The following FUBP3 variants were observed in gnomAD, a reference collection of about 807,000 sequenced individuals.
The protein encoded by FUBP3 is far upstream element binding protein 3.
Under a neutral mutation model 85.6 loss-of-function variants are expected in FUBP3, and 28 were observed. The ratio of observed to expected loss-of-function variants is 0.33; its 90% CI spans 0.24 to 0.45. FUBP3 has a LOEUF of 0.45. FUBP3 is among the 20% of genes least tolerant of loss of function. FUBP3 has a pLI of 1.00. For synonymous variants in FUBP3, 271 were observed against 271.4 expected (o/e 1.00, Z 0.01); for missense variants, 583 against 755.1 (o/e 0.77, Z 2.67).
At position 130,635,138 on chromosome 9, in the gene FUBP3, G is replaced by A. The variant is rs1270533489; in HGVS notation, c.1582+400G>A. On this transcript the variant is annotated intron_variant, in intron 17 of 18. Transcript: ENST00000319725. This position sits in a 1 kb window ranked among gnomAD's most constrained non-coding sequence, Gnocchi z 4.3. ...TCTTGTTCTCTGTCTTGGTGCTTCA[G>A]GGCAGATGAGGAGAGGTGGTGAGAT... Among the ~76,000 whole-genome samples the A allele has an allele frequency of 1.3e-5, 2 of 152,168 alleles. No individual in the cohort carries two copies. Among genetic ancestry groups the A allele is most frequent in the Non-Finnish European group, 2.9e-5 (2 of 68,046 alleles).
In FUBP3 at chr9:130,635,312, A is replaced by C. The variant is rs1272893532; in HGVS notation, c.1582+574A>C. Among the ~76,000 whole-genome samples, 2 of 152,180 alleles carry C rather than the reference A, an allele frequency of 1.3e-5. No individual in the cohort carries two copies. Among genetic ancestry groups the C allele is most frequent in the East Asian group, 3.9e-4 (2 of 5,192 alleles). On this transcript the variant is annotated intron_variant, in intron 17 of 18. Transcript: ENST00000319725. This position sits in a 1 kb window ranked among gnomAD's most constrained non-coding sequence, Gnocchi z 4.3. ...CAAAAGGTCTCTGGGGAGTCACATAAAATCAGGACCAGACTCTCGGGATAT... is the reference window on the plus strand; with the variant it reads ...CAAAAGGTCTCTGGGGAGTCACATACAATCAGGACCAGACTCTCGGGATAT...
intron 11 of FUBP3, among the ~76,000 whole-genome samples, chr9:130,624,134 G>A (rs1411413048): frequency 6.6e-6 from 1 of 152,208 alleles, no homozygotes; most frequent in African/African-American, 2.4e-5. Context: ...TGGACTGTGA[G>A]CCAGCCTGTG....
chr9:130,589,288 C>T (rs1032841318), intron 1 of FUBP3, among the ~76,000 whole-genome samples: 5 of 151,784 alleles, frequency 3.3e-5, no homozygotes, highest in African/African-American at 4.8e-5. Context: ...TGATTTTTTC[C>T]GTATCATTGA....
At chr9:130,605,207 C>A (rs565455778) in intron 2 of FUBP3, among the ~76,000 whole-genome samples, 1 of 152,156 alleles carries the variant, frequency 6.6e-6, no homozygotes, top group Admixed American at 6.5e-5. Flanking sequence ...GGGCCCAACA[C>A]GTCCCTGGAG....
intron 1 of FUBP3, among the ~76,000 whole-genome samples, chr9:130,586,404 C>CT (rs1243571430): frequency 5.3e-5 from 8 of 151,956 alleles, no homozygotes; most frequent in South Asian, 2.1e-4. Flanking sequence ...CTCTCTCTCT[C>CT]TTTTTTTTGT....
intron 16 of FUBP3, among the ~76,000 whole-genome samples, chr9:130,632,685 G>A (rs1466586454): frequency 1.3e-5 from 2 of 152,202 alleles, no homozygotes; most frequent in Non-Finnish European, 2.9e-5. Flanking sequence ...TTGGGTGGCT[G>A]CCTTCCTCTC....
At chr9:130,606,555 T>C (rs370903106) in intron 2 of FUBP3, among the ~76,000 whole-genome samples, 9 of 152,004 alleles carry the variant, frequency 5.9e-5, no homozygotes, top group Non-Finnish European at 1.0e-4. Context: ...GCGCGGTGGC[T>C]CACGCCTGTA....
chr9:130,634,213 C>T (rs1830327333), intron 16 of FUBP3, among the ~76,000 whole-genome samples: 1 of 152,232 alleles, frequency 6.6e-6, no homozygotes, highest in Non-Finnish European at 1.5e-5. Flanking sequence ...TGGCCTGAGG[C>T]TGGACAGGGT....
intron 7 of FUBP3, among the ~76,000 whole-genome samples, chr9:130,617,337 A>G (rs978462093): frequency 6.6e-6 from 1 of 152,156 alleles, no homozygotes; most frequent in Non-Finnish European, 1.5e-5. Context: ...GGTTGTAAGG[A>G]TGGTATCCTA....
chr9:130,601,424 G>A (rs1831148137), intron 2 of FUBP3, among the ~76,000 whole-genome samples: 1 of 152,008 alleles, frequency 6.6e-6, no homozygotes, highest in East Asian at 1.9e-4. Flanking sequence ...AGCTTTTTTA[G>A]TTGAACTAAG....
rs73547981 is a variant in FUBP3, at chr9:130,590,625, G to A, written c.85-4858G>A. Among the ~76,000 whole-genome samples the A allele has an allele frequency of 2.9e-3, 443 of 152,264 alleles. 3 individuals carry two copies. The highest frequency in any genetic ancestry group is 0.01 in the African/African-American group (428 of 41,562). On this transcript the variant is annotated intron_variant, in intron 1 of 18. Transcript: ENST00000319725. ...CCTGGCTTTTATCTCCTGGCCTACA[G>A]CATTATGAACTGAGGACTGTACCTC...
intron 13 of FUBP3, chr9:130,631,136 C>T: frequency 1.7e-6 from 2 of 1,154,726 alleles, no homozygotes; most frequent in South Asian, 3.8e-5. Context: ...GCCCAGCAGG[C>T]AGCTTTCATT....
At chr9:130,610,117 C>A in intron 3 of FUBP3, 130 bp downstream of exon 3, 2 of 737,312 alleles carry the variant, frequency 2.7e-6, no homozygotes, top group Non-Finnish European at 4.6e-6. Flanking sequence ...TTCTTTAAGA[C>A]TCGAGTTTTT....
chr9:130,585,150 ACT>A (rs1224373609), intron 1 of FUBP3, among the ~76,000 whole-genome samples: 4 of 151,988 alleles, frequency 2.6e-5, no homozygotes, highest in African/African-American at 7.3e-5. Flanking sequence ...ACAAAGTGAG[ACT>A]CTGTCTCAAA....
intron 3 of FUBP3, among the ~76,000 whole-genome samples, chr9:130,611,874 A>T (rs1028063874): frequency 6.6e-6 from 1 of 152,066 alleles, no homozygotes; most frequent in African/African-American, 2.4e-5. Context: ...TAAGTGAGGT[A>T]ATTATTCTGT....
intron 2 of FUBP3, among the ~76,000 whole-genome samples, chr9:130,606,814 C>G (rs1403415716): frequency 6.6e-6 from 1 of 150,566 alleles, no homozygotes. Flanking sequence ...GAGCGAGACT[C>G]TGTCTCAGGA....
At chr9:130,617,657 A>C in intron 7 of FUBP3, 140 bp from the exon 8 acceptor site, 1 of 702,180 alleles carries the variant, frequency 1.4e-6, no homozygotes, top group South Asian at 1.6e-5. Context: ...AGCCAGCTTC[A>C]TGGCCCAGGT....
intron 13 of FUBP3, chr9:130,631,304 A>G (rs903825176): frequency 1.4e-6 from 2 of 1,381,068 alleles, no homozygotes; most frequent in Non-Finnish European, 1.9e-6. Flanking sequence ...GTTGGTCCCT[A>G]CCCCCAGGGT....
chr9:130,631,956 G>T lies in FUBP3; in HGVS notation c.1367G>T (p.Arg456Met), dbSNP rs1173621835. The T allele has an allele frequency of 6.2e-7, 1 of 1,612,838 alleles. No homozygotes were observed. Among genetic ancestry groups the T allele is most frequent in the Non-Finnish European group, 8.5e-7 (1 of 1,178,768 alleles). Reference protein sequence around the residue: ...APPHQNTFPPRSSGCFPNMAA... With the variant: ...APPHQNTFPPMSSGCFPNMAA... ...CCTTTTCCCAGTACCTTTCCTCCAAGGAGCTCCGGGTGCTTCCCAAACATG... is the reference window on the plus strand; with the variant it reads ...CCTTTTCCCAGTACCTTTCCTCCAATGAGCTCCGGGTGCTTCCCAAACATG... Residue 456 changes from arginine (R) to methionine (M), a missense_variant, in exon 15 of 19, where the codon AGG becomes ATG. By Grantham distance (91) the Arg-to-Met change is moderately conservative (BLOSUM62 -1). Transcript: ENST00000319725.
Sources: allele counts gnomAD v4.1 joint callset (sites outside exome capture counted in the v4.1 genomes callset), GRCh38; gene constraint gnomAD v4.1.1; non-coding constraint Gnocchi (gnomAD v3.1); transcripts MANE v1.5; gene names NCBI Gene and HGNC (gene_info 2026-07-23, HGNC 2026-07-21).